Variants in FGR observed in about 807,000 individuals in gnomAD.
The protein encoded by FGR is FGR proto-oncogene, Src family tyrosine kinase, also known as tyrosine-protein kinase Fgr.
A neutral mutation model predicts 63.2 loss-of-function variants in FGR; 26 were observed. The observed-to-expected ratio is 0.41, with a 90% CI of 0.30 to 0.57. The LOEUF (loss-of-function observed/expected upper bound fraction) is 0.57, where lower values mean the gene tolerates loss of function less well. Ranked by LOEUF, FGR falls within the 20% of genes least tolerant of loss-of-function variation. The pLI, the probability that FGR is intolerant of heterozygous loss-of-function variation, is 0.27. For synonymous variants in FGR, 286 were observed against 277.7 expected (o/e 1.03, Z -0.30); for missense variants, 511 against 690.8 (o/e 0.74, Z 2.92).
intron 5 of FGR, among the ~76,000 whole-genome samples, chr1:27,618,477 C>T (rs979691065): frequency 1.3e-5 from 2 of 152,124 alleles, no homozygotes; most frequent in East Asian, 1.9e-4. Context: ...AGGGCCTGTG[C>T]TCCTAACCAC....
chr1:27,624,377 C>G (rs980027391), intron 2 of FGR, among the ~76,000 whole-genome samples: 1 of 151,460 alleles, frequency 6.6e-6, no homozygotes, highest in Non-Finnish European at 1.5e-5. Flanking sequence ...TGGGACTATA[C>G]AGGTGCGTGC....
chr1:27,619,141 A>G (rs1571388074), intron 5 of FGR, among the ~76,000 whole-genome samples: 1 of 151,086 alleles, frequency 6.6e-6, no homozygotes, highest in Non-Finnish European at 1.5e-5. Flanking sequence ...AACCTTTTGC[A>G]CTCTCCACTC....
In FGR at chr1:27,615,653, C is replaced by A. The variant is rs1189734899; in HGVS notation, c.838+36G>T. 1 of 1,594,016 alleles carries A rather than the reference C, an allele frequency of 6.3e-7. No individual in the cohort carries two copies. Among genetic ancestry groups the A allele is most frequent in the Non-Finnish European group, 8.6e-7 (1 of 1,164,550 alleles). On this transcript the variant is annotated intron_variant, in intron 8 of 12. Coordinates refer to ENST00000374005, the MANE Select transcript of FGR (RefSeq NM_005248.3). The surrounding 1 kb of genome is among the most constrained non-coding windows in gnomAD (Gnocchi z 7.6). The stretch of plus-strand genomic sequence containing the variant: ...TCTTGTCAGGACCCTCTCCCCCGAG[C>A]CCAGGCCCTCGTCCCGGCCCCCGGG...
chr1:27,622,931 T>C, intron 4 of FGR, 111 bp downstream of exon 4: 1 of 756,234 alleles, frequency 1.3e-6, no homozygotes, highest in Non-Finnish European at 2.3e-6. Context: ...GTTATGTATA[T>C]GTGTTCCCAA....
chr1:27,612,970 G>C lies in FGR; in HGVS notation c.1534C>G (p.Leu512Val). 6.2e-7 allele frequency: 1 copy of C among 1,614,196 alleles called. No individual in the cohort carries two copies. The highest frequency in any genetic ancestry group is 8.5e-7 in the Non-Finnish European group (1 of 1,180,026). ...TCAGCGGAGGTGAAGTAGTCCTCCA[G>C]GAAGGACTGCAGGTACTCGAAGGTA... ...RPTFEYLQSF[L>V]EDYFTSAEPQ... is the part of the protein sequence containing the mutation. Residue 512 changes from leucine to valine, a missense_variant, in exon 13 of 13, where the codon CTG becomes GTG. Transcript: ENST00000374005.
At chr1:27,622,469 C>T (rs2089948062) in intron 4 of FGR, among the ~76,000 whole-genome samples, 1 of 151,684 alleles carries the variant, frequency 6.6e-6, no homozygotes, top group Non-Finnish European at 1.5e-5. Flanking sequence ...TTACCTCTTC[C>T]TTCACTGTCT....
chr1:27,613,599 A>G (rs1453305908), intron 11 of FGR, among the ~76,000 whole-genome samples: 1 of 148,518 alleles, frequency 6.7e-6, no homozygotes, highest in African/African-American at 2.5e-5. Flanking sequence ...GCTACTAGGG[A>G]GGCTGCGGCA....
rs139699654 is a variant in FGR at position 27,620,750 on chromosome 1, T to C, written c.428+809A>G. On this transcript the variant is annotated intron_variant, in intron 5 of 12. Transcript: ENST00000374005. ...ATAAATTCCTGCCTCTTGGGCCAGG[T>C]CTCGGTGGCTCATGGCTGTAATCCC... Among the ~76,000 whole-genome samples, 390 of 151,016 alleles carry C rather than the reference T, an allele frequency of 2.6e-3. 1 individual carries two copies. Among genetic ancestry groups the C allele is most frequent in the African/African-American group, 9.0e-3 (369 of 41,106 alleles).
Position 27,612,543 on chromosome 1 carries a change from G to T in FGR, c.*371C>A. The T allele has an allele frequency of 5.0e-6, 1 of 198,944 alleles. No homozygotes were observed. The highest frequency in any genetic ancestry group is 1.0e-5 in the Non-Finnish European group (1 of 95,642). The allele number at this position is 198,944 out of a possible 1,614,324, so 12.3% of individuals were successfully genotyped here. A position where few individuals can be genotyped will look rare whatever the true frequency, so the allele number is the denominator to read the frequency against. ...ATTCTTGGCACCTGGACTAGAGTGA[G>T]ATAAAAGGAGAGTAGGAAAGCAGTG... On this transcript the variant is annotated 3_prime_UTR_variant, in exon 13 of 13. Transcript: ENST00000374005.
intron 2 of FGR, 76 bp from the exon 3 acceptor site, chr1:27,624,005 C>T (rs1157163412): frequency 4.1e-6 from 5 of 1,208,478 alleles, no homozygotes; most frequent in Admixed American, 2.4e-5. Flanking sequence ...CATGCACATG[C>T]TCATACGCTC....
chr1:27,615,670 G>C lies in FGR; in HGVS notation c.838+19C>G. On this transcript the variant is annotated intron_variant, in intron 8 of 12. Transcript: ENST00000374005. The surrounding 1 kb of genome is among the most constrained non-coding windows in gnomAD (Gnocchi z 7.6). ...CCCCCGAGCCCAGGCCCTCGTCCCG[G>C]CCCCCGGGAGCTCCGTACCCAGCCA... 2 of 1,592,452 alleles carry C rather than the reference G, an allele frequency of 1.3e-6. No homozygotes were observed. The highest frequency in any genetic ancestry group is 1.1e-5 in the South Asian group (1 of 89,974).
At chr1:27,621,475 C>A (rs1394808931) in intron 5 of FGR, 84 bp downstream of exon 5, 4 of 924,026 alleles carry the variant, frequency 4.3e-6, no homozygotes, top group Non-Finnish European at 7.2e-6. Flanking sequence ...CGGACTGGAG[C>A]AATGACTTGT....
intron 4 of FGR, 109 bp from the exon 5 acceptor site, chr1:27,621,766 T>C (rs888743463): frequency 2.2e-5 from 17 of 767,958 alleles, no homozygotes; most frequent in Non-Finnish European, 3.9e-5. Context: ...CAAACCCTCA[T>C]CTTGGACACC....
chr1:27,617,329 C>T lies in FGR; in HGVS notation c.429-33G>A, dbSNP rs200794698. On this transcript the variant is annotated intron_variant, in intron 5 of 12. Coordinates refer to ENST00000374005, the MANE Select transcript of FGR (RefSeq NM_005248.3). This position sits in a 1 kb window ranked among gnomAD's most constrained non-coding sequence, Gnocchi z 4.5. ...GAAAGGCAGGCAAGAGTCAGGTACG[C>T]TCTGCTCAAACCTCACCTCAGCCTC... The T allele has an allele frequency of 2.6e-6, 4 of 1,536,998 alleles. No individual in the cohort carries two copies. In the African/African-American group the frequency reaches 4.1e-5, roughly 16 times the overall value.
In FGR at chr1:27,616,999, G is replaced by A. The variant is rs2089825486; in HGVS notation, c.540C>T (p.Tyr180=). Reference sequence around the variant, plus strand: ...GATCCCAGTCCCGGATGGACAGGGAGTAGGCACCTGTGGAGAGGATCACTT... The same window carrying A: ...GATCCCAGTCCCGGATGGACAGGGAATAGGCACCTGTGGAGAGGATCACTT... ...IRESETTKGA[Y]SLSIRDWDQT... Residue 180 remains tyrosine (Y), a synonymous_variant, in exon 7 of 13, where the codon TAC becomes TAT. Coordinates refer to ENST00000374005, the MANE Select transcript of FGR (RefSeq NM_005248.3). The surrounding 1 kb of genome is among the most constrained non-coding windows in gnomAD (Gnocchi z 4.3). 1.2e-6 allele frequency: 2 copies of A among 1,614,182 alleles called. No individual in the cohort carries two copies. The highest frequency in any genetic ancestry group is 1.7e-6 in the Non-Finnish European group (2 of 1,180,026).
intron 5 of FGR, among the ~76,000 whole-genome samples, chr1:27,620,991 C>CAAAAAAAAAAAAAAAAAAAAAAAA (rs59265327): frequency 2.3e-4 from 5 of 22,038 alleles, no homozygotes; most frequent in African/African-American, 3.2e-4. Context: ...GACCCTGTCT[C>CAAAAAAAAAAAAAAAAAAAAAAAA]AAAAAAAAAA....
intron 1 of FGR, among the ~76,000 whole-genome samples, chr1:27,627,105 C>T (rs151312320): frequency 9.9e-5 from 15 of 152,126 alleles, no homozygotes; most frequent in African/African-American, 3.1e-4. Flanking sequence ...CCTGGGAGTT[C>T]GAGGCTGCAG....
In FGR at chr1:27,612,781, T is replaced by G; in HGVS notation, c.*133A>C. 1 of 802,440 alleles carries G rather than the reference T, an allele frequency of 1.2e-6. No individual in the cohort carries two copies. The highest frequency in any genetic ancestry group is 2.0e-6 in the Non-Finnish European group (1 of 508,984). 49.7% of individuals were successfully genotyped at this position (802,440 alleles called of 1,614,324 possible). On this transcript the variant is annotated 3_prime_UTR_variant, in exon 13 of 13. Transcript: ENST00000374005. Reference sequence around the variant, plus strand: ...AACAAGTAGGTTGCCCTAGGTGGTGTCAGAGCAGCCACGTCCTCGGTGATG... The same window carrying G: ...AACAAGTAGGTTGCCCTAGGTGGTGGCAGAGCAGCCACGTCCTCGGTGATG...
chr1:27,618,266 C>T (rs887059569), intron 5 of FGR, among the ~76,000 whole-genome samples: 27 of 152,090 alleles, frequency 1.8e-4, no homozygotes, highest in African/African-American at 5.1e-4. Context: ...AAGCCCTCCC[C>T]GCTCCCACAC....
Sources: allele counts gnomAD v4.1 joint callset (sites outside exome capture counted in the v4.1 genomes callset), GRCh38; gene constraint gnomAD v4.1.1; non-coding constraint Gnocchi (gnomAD v3.1); transcripts MANE v1.5; gene names NCBI Gene and HGNC (gene_info 2026-07-23, HGNC 2026-07-21).